ATF6: variants seen among roughly 807,000 people sequenced by gnomAD.
ATF6 encodes the protein cyclic AMP-dependent transcription factor ATF-6 alpha.
ATF6 carries 53 observed loss-of-function variants against 83.6 expected under a neutral mutation model. The ratio of observed to expected loss-of-function variants is 0.63; its 90% CI spans 0.51 to 0.80. The LOEUF is 0.80. Ranked by LOEUF, ATF6 falls within the 30% of genes least tolerant of loss-of-function variation. ATF6 has a pLI of 0.00. For synonymous variants in ATF6, 288 were observed against 285.8 expected (o/e 1.01, Z -0.08); for missense variants, 744 against 797.9 (o/e 0.93, Z 0.81).
In ATF6 at chr1:161,846,187, A is replaced by G. The variant is rs2340716; in HGVS notation, c.1188-262A>G. 0.14 allele frequency among the ~76,000 whole-genome samples: 21,582 copies of G among 152,170 alleles called. 2,093 individuals are homozygous for G. Among genetic ancestry groups the G allele is most frequent in the East Asian group, 0.32 (1,630 of 5,172 alleles). ...TACATGTAATTATCAAGTTTTTAAA[A>G]CATATAGAACACTACTATTGTTTAA... On this transcript the variant is annotated intron_variant, in intron 9 of 15. Coordinates refer to ENST00000367942, the MANE Select transcript of ATF6 (RefSeq NM_007348.4).
At chr1:161,937,072 A>G (rs192685772) in intron 15 of ATF6, among the ~76,000 whole-genome samples, 120 of 152,254 alleles carry the variant, frequency 7.9e-4, no homozygotes, top group African/African-American at 2.7e-3. Context: ...AAATCATCAG[A>G]AATAGATTCC....
chr1:161,936,384 A>C (rs1688537172), intron 15 of ATF6, among the ~76,000 whole-genome samples: 1 of 152,192 alleles, frequency 6.6e-6, no homozygotes, highest in Non-Finnish European at 1.5e-5. Flanking sequence ...ACAGGTGTGC[A>C]ACATGAAATA....
intron 10 of ATF6, 70 bp downstream of exon 10, chr1:161,846,650 G>T: frequency 7.0e-7 from 1 of 1,419,192 alleles, no homozygotes; most frequent in African/African-American, 1.5e-5. Context: ...ATTATCTGTA[G>T]TATAACATTG....
intron 15 of ATF6, among the ~76,000 whole-genome samples, chr1:161,913,645 A>G (rs887803108): frequency 7.2e-5 from 11 of 152,224 alleles, no homozygotes; most frequent in Non-Finnish European, 1.5e-4. Flanking sequence ...CAGTAAAGAC[A>G]TACCTTTGAA....
intron 15 of ATF6, among the ~76,000 whole-genome samples, chr1:161,915,685 G>A (rs773671081): frequency 1.0e-4 from 15 of 150,388 alleles, no homozygotes; most frequent in African/African-American, 2.4e-4. Flanking sequence ...GTACAATGGC[G>A]TGACCCATGG....
At chr1:161,866,397 A>T (rs1456569552) in intron 14 of ATF6, among the ~76,000 whole-genome samples, 1 of 152,062 alleles carries the variant, frequency 6.6e-6, no homozygotes, top group African/African-American at 2.4e-5. Context: ...AAGCAGACAC[A>T]CTCTTGGATA....
intron 9 of ATF6, among the ~76,000 whole-genome samples, chr1:161,846,244 G>A (rs941459154): frequency 6.6e-6 from 1 of 152,054 alleles, no homozygotes; most frequent in African/African-American, 2.4e-5. Context: ...TTTATACTTA[G>A]AAAAATTGTT....
chr1:161,803,532 G>A (rs569142665), intron 7 of ATF6, among the ~76,000 whole-genome samples: 4 of 152,284 alleles, frequency 2.6e-5, no homozygotes, highest in South Asian at 2.1e-4. Flanking sequence ...AATACATAGC[G>A]TGTGTTTCAG....
At chr1:161,862,313 C>T (rs917645181) in intron 13 of ATF6, among the ~76,000 whole-genome samples, 16 of 152,120 alleles carry the variant, frequency 1.1e-4, no homozygotes, top group Non-Finnish European at 2.1e-4. Flanking sequence ...TTTTTCTCCT[C>T]TTAATAATAT....
At chr1:161,834,472 G>A (rs1040417876) in intron 9 of ATF6, among the ~76,000 whole-genome samples, 7 of 152,064 alleles carry the variant, frequency 4.6e-5, no homozygotes, top group African/African-American at 1.7e-4. Flanking sequence ...CATGTCCTTT[G>A]TAGGGACATG....
chr1:161,792,351 G>C lies in ATF6; in HGVS notation c.688+24G>C, dbSNP rs112195242. 1,045 of 1,600,870 alleles carry C rather than the reference G, an allele frequency of 6.5e-4. 8 individuals carry two copies. The African/African-American group carries it at 0.01, about 16-fold the overall frequency. ...AGGTACCTGAGCAGAATTTAAGGCTGTGTAAATTTATTTGGAGGGCAGTAA... is the reference window on the plus strand; with the variant it reads ...AGGTACCTGAGCAGAATTTAAGGCTCTGTAAATTTATTTGGAGGGCAGTAA... On this transcript the variant is annotated intron_variant, in intron 6 of 15. Transcript: ENST00000367942.
chr1:161,920,333 C>T (rs535241418), intron 15 of ATF6, among the ~76,000 whole-genome samples: 283 of 72,018 alleles, frequency 3.9e-3, no homozygotes, highest in African/African-American at 0.013. Flanking sequence ...CTCGCTCTGT[C>T]GCCCAGGCTG....
At chr1:161,848,311 C>T (rs954915128) in intron 10 of ATF6, among the ~76,000 whole-genome samples, 1 of 151,886 alleles carries the variant, frequency 6.6e-6, no homozygotes, top group African/African-American at 2.4e-5. Flanking sequence ...CCTAATATTA[C>T]TTTGTTCTGT....
chr1:161,959,932 T>C lies in ATF6; in HGVS notation c.*1278T>C, dbSNP rs1000159298. On this transcript the variant is annotated 3_prime_UTR_variant, in exon 16 of 16. Transcript: ENST00000367942. ...TAGACTTAAACAAGACAAAAGTTTT[T>C]TCACTGAAGAATTGACAAGTATTTG... 5 of 152,210 alleles carry C rather than the reference T, an allele frequency of 3.3e-5. No individual in the cohort carries two copies. The highest frequency in any genetic ancestry group is 5.9e-5 in the Non-Finnish European group (4 of 68,030). The allele number at this position is 152,210 out of a possible 1,614,324, so 9.4% of individuals were successfully genotyped here.
At chr1:161,807,921 C>T (rs1685341608) in intron 7 of ATF6, among the ~76,000 whole-genome samples, 2 of 115,882 alleles carry the variant, frequency 1.7e-5, no homozygotes, top group Admixed American at 2.0e-4. Context: ...GCTCTGTTGC[C>T]CAGGCTGGAG....
At chr1:161,809,503 T>C (rs1368295923) in intron 7 of ATF6, among the ~76,000 whole-genome samples, 2 of 152,240 alleles carry the variant, frequency 1.3e-5, no homozygotes, top group African/African-American at 4.8e-5. Flanking sequence ...GCAATAAACA[T>C]AAGTGTGCAT....
At chr1:161,943,949 T>C (rs1688699817) in intron 15 of ATF6, among the ~76,000 whole-genome samples, 1 of 152,240 alleles carries the variant, frequency 6.6e-6, no homozygotes, top group Non-Finnish European at 1.5e-5. Flanking sequence ...TCATCTGTTT[T>C]GTTGTTCACT....
At chr1:161,925,958 G>C (rs1343944440) in intron 15 of ATF6, among the ~76,000 whole-genome samples, 1 of 152,128 alleles carries the variant, frequency 6.6e-6, no homozygotes, top group Non-Finnish European at 1.5e-5. Context: ...AAGTGCACAT[G>C]GATCAAGGTA....
chr1:161,854,344 C>G (rs771218073), intron 12 of ATF6, among the ~76,000 whole-genome samples: 1 of 152,190 alleles, frequency 6.6e-6, no homozygotes, highest in African/African-American at 2.4e-5. Flanking sequence ...AAATTCTTTG[C>G]TTCTTGCTTG....
Sources: gnomAD v4.1 joint callset for allele counts (sites outside exome capture counted in the v4.1 genomes callset) on GRCh38, gnomAD v4.1.1 for gene constraint, MANE v1.5 for transcripts, NCBI Gene and HGNC (gene_info 2026-07-23, HGNC 2026-07-21) for gene names.